Variants in ONECUT3 observed in about 807,000 individuals in gnomAD.
ONECUT3 encodes the protein one cut domain family member 3.
A neutral mutation model predicts 16.8 loss-of-function variants in ONECUT3; 11 were observed. The observed-to-expected ratio is 0.66, with a 90% CI of 0.41 to 1.09. The LOEUF is 1.09. Among genes scored for constraint, ONECUT3 ranks in the 50% least tolerant of loss-of-function variants. The probability of loss-of-function intolerance (pLI) is 0.00; values close to 1 mark genes in which losing one functional copy is unlikely to be tolerated. For missense variants in ONECUT3, 637 were observed against 629.9 expected, an observed-to-expected ratio of 1.01 and a Z score of -0.12; for synonymous variants, 344 against 310.7, an observed-to-expected ratio of 1.11 and a Z score of -1.13.
chr19:1,775,748 A>G lies in ONECUT3; in HGVS notation c.*303A>G, dbSNP rs370473010. ...AGCCCCCTCTCCATTCAGGACGCCC[A>G]GAGGGCCTCGAGAAAAACCAGGGCT... On this transcript the variant is annotated 3_prime_UTR_variant, in exon 2 of 2. Transcript: ENST00000382349. 9.4e-5 allele frequency: 26 copies of G among 277,562 alleles called. 1 individual carries two copies. In the South Asian group the frequency reaches 2.0e-3, roughly 21 times the overall value. 17.2% of individuals were successfully genotyped at this position (277,562 alleles called of 1,614,324 possible). A position where few individuals can be genotyped will look rare whatever the true frequency, so the allele number is the denominator to read the frequency against.
chr19:1,757,384 G>C (rs1247939910), intron 1 of ONECUT3, among the ~76,000 whole-genome samples: 1 of 152,252 alleles, frequency 6.6e-6, no homozygotes, highest in Non-Finnish European at 1.5e-5. Flanking sequence ...GGGAGTCTGG[G>C]TTTCCTGTCG....
intron 1 of ONECUT3, 88 bp from the exon 2 acceptor site, chr19:1,775,065 C>A: frequency 1.2e-6 from 1 of 807,232 alleles, no homozygotes; most frequent in Non-Finnish European, 1.9e-6. Flanking sequence ...CCTCATCCTC[C>A]GGGCGGCGTG....
At chr19:1,773,755 T>C (rs2068078533) in intron 1 of ONECUT3, among the ~76,000 whole-genome samples, 1 of 152,176 alleles carries the variant, frequency 6.6e-6, no homozygotes, top group Non-Finnish European at 1.5e-5. Context: ...ATTGAGATTC[T>C]GATGGAGTTT....
At chr19:1,757,258 G>A (rs2067921354) in intron 1 of ONECUT3, among the ~76,000 whole-genome samples, 1 of 152,242 alleles carries the variant, frequency 6.6e-6, no homozygotes, top group South Asian at 2.1e-4. Flanking sequence ...CGACCCCACA[G>A]CCATCCAGGC....
rs1177201960 is a variant in ONECUT3, at chr19:1,779,768, T to G, written c.*4323T>G. 1 of 151,892 alleles carries G rather than the reference T, an allele frequency of 6.6e-6. No individual in the cohort carries two copies. The highest frequency in any genetic ancestry group is 1.5e-5 in the Non-Finnish European group (1 of 68,000). 9.4% of individuals were successfully genotyped at this position (151,892 alleles called of 1,614,324 possible). A position where few individuals can be genotyped will look rare whatever the true frequency, so the allele number is the denominator to read the frequency against. On this transcript the variant is annotated 3_prime_UTR_variant, in exon 2 of 2. Transcript: ENST00000382349. ...TCAGTGGTTTTTCGTTACTGTTTCT[T>G]TCCTCCTTTCTAAGGAACTGTGTCC...
In ONECUT3 at chr19:1,777,117, G is replaced by GAC. The variant is rs1335876257; in HGVS notation, c.*1673_*1674dup. 6.6e-6 allele frequency: 1 copy of GAC among 152,264 alleles called. No individual in the cohort carries two copies. Among genetic ancestry groups the GAC allele is most frequent in the African/African-American group, 2.4e-5 (1 of 41,444 alleles). 9.4% of individuals were successfully genotyped at this position (152,264 alleles called of 1,614,324 possible). ...AAGAGTGCCTTCTTCTTGAACCAAA[G>GAC]ACGTGTATGGAGTGTTCTCTTGTCC... On this transcript the variant is annotated 3_prime_UTR_variant, in exon 2 of 2. Coordinates refer to ENST00000382349, the MANE Select transcript of ONECUT3 (RefSeq NM_001080488.2).
rs907629064 is a variant in ONECUT3, at chr19:1,754,158, G to A, written c.496G>A (p.Gly166Ser). 4.8e-5 allele frequency: 52 copies of A among 1,073,606 alleles called. No homozygotes were observed. In the African/African-American group the frequency reaches 6.1e-4, roughly 13 times the overall value. The allele number at this position is 1,073,606 out of a possible 1,614,324, so 66.5% of individuals were successfully genotyped here. A position where few individuals can be genotyped will look rare whatever the true frequency, so the allele number is the denominator to read the frequency against. Residue 166 changes from glycine (G) to serine (S), a missense_variant, in exon 1 of 2, where the codon GGC becomes AGC. This residue lies in a region of ONECUT3 where 419 missense variants were observed against 377.9 expected (regional missense o/e 1.11). Transcript: ENST00000382349. The surrounding 1 kb of genome is among the most constrained non-coding windows in gnomAD (Gnocchi z 7.4). The stretch of plus-strand genomic sequence containing the variant: ...GCAGCGTCTGGCGGCCAGCGTGAGC[G>A]GCAGCTTCACCCTCATGCGCGACGA... ...PPQRLAASVS[G>S]SFTLMRDERA...
intron 1 of ONECUT3, among the ~76,000 whole-genome samples, chr19:1,763,735 T>G (rs1444855550): frequency 4.1e-5 from 6 of 147,352 alleles, no homozygotes; most frequent in African/African-American, 7.9e-5. Flanking sequence ...CTTTTTTGTT[T>G]TTTTTTTTTT....
intron 1 of ONECUT3, among the ~76,000 whole-genome samples, chr19:1,761,092 G>C (rs1246008868): frequency 8.1e-6 from 1 of 123,324 alleles, no homozygotes; most frequent in Non-Finnish European, 1.6e-5. Context: ...TGCTCTTGTC[G>C]TCCAGGCTGG....
chr19:1,761,887 A>T (rs991692154), intron 1 of ONECUT3, among the ~76,000 whole-genome samples: 1 of 151,926 alleles, frequency 6.6e-6, no homozygotes, highest in African/African-American at 2.4e-5. Context: ...GCGATGGGGG[A>T]CCCCTCCGAG....
At chr19:1,775,034 A>T (rs1165110696) in intron 1 of ONECUT3, 119 bp from the exon 2 acceptor site, 8 of 621,202 alleles carry the variant, frequency 1.3e-5, no homozygotes, top group Non-Finnish European at 2.2e-5. Flanking sequence ...CCTTTCCCCA[A>T]CGTGTCCCTT....
chr19:1,765,032 G>A (rs543300466), intron 1 of ONECUT3, among the ~76,000 whole-genome samples: 25 of 152,118 alleles, frequency 1.6e-4, no homozygotes, highest in Non-Finnish European at 2.6e-4. Context: ...GGCACACAGC[G>A]GGGTAGACTC....
rs2067908352 is a variant in ONECUT3 at position 1,754,885 on chromosome 19, G to A, written c.1192+31G>A. ...AGCGTGGCGCGCAGGGCCAGACCCT[G>A]GGGGCGCCGGCTCTGGACTCCCGAG... On this transcript the variant is annotated intron_variant, in intron 1 of 1. Transcript: ENST00000382349. This position sits in a 1 kb window ranked among gnomAD's most constrained non-coding sequence, Gnocchi z 7.4. 1 of 1,369,084 alleles carries A rather than the reference G, an allele frequency of 7.3e-7. No individual in the cohort carries two copies. Among genetic ancestry groups the A allele is most frequent in the Non-Finnish European group, 9.5e-7 (1 of 1,051,008 alleles). 84.8% of individuals were successfully genotyped at this position (1,369,084 alleles called of 1,614,324 possible). A position where few individuals can be genotyped will look rare whatever the true frequency, so the allele number is the denominator to read the frequency against.
rs1013049651 is a variant in ONECUT3, at chr19:1,762,316, TCTC to T, written c.1192+7467_1192+7469del. Among the ~76,000 whole-genome samples the T allele has an allele frequency of 1.3e-5, 2 of 152,104 alleles. No homozygotes were observed. The highest frequency in any genetic ancestry group is 2.9e-5 in the Non-Finnish European group (2 of 68,006). On this transcript the variant is annotated intron_variant, in intron 1 of 1. Transcript: ENST00000382349. The surrounding 1 kb of genome is among the most constrained non-coding windows in gnomAD (Gnocchi z 4.4). ...GGAGTCGGGACAGAAGCTGCTGGGC[TCTC>T]CTCCCTGGAGCTGGGGCTTTGGGAA...
At chr19:1,763,865 C>T (rs1770530218) in intron 1 of ONECUT3, among the ~76,000 whole-genome samples, 1 of 151,872 alleles carries the variant, frequency 6.6e-6, no homozygotes, top group African/African-American at 2.4e-5. Context: ...GCGGTGGTTT[C>T]AGGTTTTCCT....
At chr19:1,771,426 G>C (rs186741942) in intron 1 of ONECUT3, among the ~76,000 whole-genome samples, 2 of 152,206 alleles carry the variant, frequency 1.3e-5, no homozygotes, top group East Asian at 3.9e-4. Flanking sequence ...TATCTTTATT[G>C]CACCTTCATG....
chr19:1,754,557 C>T lies in ONECUT3; in HGVS notation c.895C>T (p.His299Tyr). ...GGCGGCGGCCGGGGCGCACGGGCCG[C>T]ACGGGGGAGGCGGCGGCCCCGGCGG... ...GLAAAGAHGP[H>Y]GGGGGPGGSG... The change falls in exon 1 of 2, where the codon CAC (histidine) becomes TAC (tyrosine). Residue 299 changes from histidine (H) to tyrosine (Y), a missense_variant. Coordinates refer to ENST00000382349, the MANE Select transcript of ONECUT3 (RefSeq NM_001080488.2). This position sits in a 1 kb window ranked among gnomAD's most constrained non-coding sequence, Gnocchi z 7.4. 1 of 1,026,256 alleles carries T rather than the reference C, an allele frequency of 9.7e-7. No individual in the cohort carries two copies. The highest frequency in any genetic ancestry group is 1.2e-6 in the Non-Finnish European group (1 of 858,964). 63.6% of individuals were successfully genotyped at this position (1,026,256 alleles called of 1,614,324 possible).
In ONECUT3 at chr19:1,754,512, C is replaced by T; in HGVS notation, c.850C>T (p.Leu284=). 1.0e-6 allele frequency: 1 copy of T among 979,994 alleles called. No individual in the cohort carries two copies. The highest frequency in any genetic ancestry group is 1.2e-6 in the Non-Finnish European group (1 of 827,954). 60.7% of individuals were successfully genotyped at this position (979,994 alleles called of 1,614,324 possible). The change falls in exon 1 of 2, where the codon CTG becomes TTG. Residue 284 remains leucine (L), a synonymous_variant. Transcript: ENST00000382349. This position sits in a 1 kb window ranked among gnomAD's most constrained non-coding sequence, Gnocchi z 7.4. ...GAGSGSAAGL[L]APLGGLAAAG... is the part of the protein sequence containing the mutation. ...GGGCAGCGGGAGCGCCGCGGGGCTG[C>T]TGGCGCCGCTGGGCGGGCTGGCGGC...
At chr19:1,773,468 G>A (rs1285432849) in intron 1 of ONECUT3, among the ~76,000 whole-genome samples, 3 of 152,188 alleles carry the variant, frequency 2.0e-5, no homozygotes, top group African/African-American at 7.2e-5. Flanking sequence ...CATGAGTCAT[G>A]GCAGAAGGAA....
Sources: gnomAD v4.1 joint callset for allele counts (sites outside exome capture counted in the v4.1 genomes callset) on GRCh38, gnomAD v4.1.1 for gene constraint, gnomAD v4.1.1 regional missense constraint, Gnocchi (gnomAD v3.1) non-coding constraint, MANE v1.5 for transcripts, NCBI Gene and HGNC (gene_info 2026-07-23, HGNC 2026-07-21) for gene names.